The following CSMD3 variants were observed in gnomAD, a reference collection of about 807,000 sequenced individuals.
The protein encoded by CSMD3 is CUB and sushi domain-containing protein 3.
CSMD3 carries 177 observed loss-of-function variants against 435.2 expected under a neutral mutation model. That is an observed-to-expected ratio of 0.41 (90% CI 0.36 to 0.46). The LOEUF is 0.46. CSMD3 is among the 20% of genes least tolerant of loss of function. The pLI is 0.34. For synonymous variants in CSMD3, 1,656 were observed against 1,520.5 expected (o/e 1.09, Z -2.07); for missense variants, 4,265 against 4,504.6 (o/e 0.95, Z 1.52).
chr8:113,157,300 TCA>T (rs1466945302), intron 4 of CSMD3, among the ~76,000 whole-genome samples: 1 of 152,118 alleles, frequency 6.6e-6, no homozygotes, highest in Non-Finnish European at 1.5e-5. Context: ...ACTATAAAGC[TCA>T]TGCTGTTTGC....
intron 67 of CSMD3, among the ~76,000 whole-genome samples, 174 bp from the exon 68 acceptor site, chr8:112,234,651 T>C (rs750980995): frequency 2.0e-5 from 3 of 152,218 alleles, no homozygotes; most frequent in Admixed American, 6.5e-5. Context: ...TCCTGTAATA[T>C]ACATTGATTT....
At chr8:112,805,185 A>C (rs909561629) in intron 12 of CSMD3, among the ~76,000 whole-genome samples, 5 of 152,106 alleles carry the variant, frequency 3.3e-5, no homozygotes, top group African/African-American at 9.7e-5. Flanking sequence ...AAAGACTACC[A>C]TATTCTATAT....
chr8:113,336,650 T>C (rs750127201), intron 1 of CSMD3, among the ~76,000 whole-genome samples: 60 of 152,112 alleles, frequency 3.9e-4, no homozygotes, highest in Non-Finnish European at 4.6e-4. Flanking sequence ...TGTTTCCTAA[T>C]TGGCCTCCAT....
intron 70 of CSMD3, among the ~76,000 whole-genome samples, chr8:112,228,002 A>G (rs1344793910): frequency 4.6e-5 from 7 of 152,120 alleles, no homozygotes; most frequent in Non-Finnish European, 8.8e-5. Flanking sequence ...AGATTGTGCC[A>G]CTGCACTCCA....
At chr8:112,263,138 A>C (rs1375568374) in intron 61 of CSMD3, among the ~76,000 whole-genome samples, 1 of 23,024 alleles carries the variant, frequency 4.3e-5, no homozygotes, top group African/African-American at 5.9e-4. Context: ...CAACCTCTGT[A>C]AAAAAAAAAA....
chr8:113,342,419 C>T (rs1392567854), intron 1 of CSMD3, among the ~76,000 whole-genome samples: 1 of 151,994 alleles, frequency 6.6e-6, no homozygotes, highest in Non-Finnish European at 1.5e-5. Context: ...GACTAATAAG[C>T]AGTTCATCAG....
intron 12 of CSMD3, among the ~76,000 whole-genome samples, chr8:112,813,683 T>G (rs2079290554): frequency 6.6e-6 from 1 of 152,124 alleles, no homozygotes; most frequent in Non-Finnish European, 1.5e-5. Context: ...TCTTCAATAG[T>G]GTTCATTCAG....
At chr8:112,686,510 G>A (rs1021254553) in intron 14 of CSMD3, among the ~76,000 whole-genome samples, 3 of 145,250 alleles carry the variant, frequency 2.1e-5, no homozygotes. Context: ...TTTCTGAGAC[G>A]GAGTCTCATT....
chr8:112,792,314 C>G (rs895630215), intron 13 of CSMD3, among the ~76,000 whole-genome samples: 1 of 152,026 alleles, frequency 6.6e-6, no homozygotes, highest in Admixed American at 6.5e-5. Flanking sequence ...ATTCCAAGAT[C>G]AGGGTGCCAG....
At chr8:113,241,175 T>A (rs1290500673) in intron 3 of CSMD3, among the ~76,000 whole-genome samples, 1 of 152,136 alleles carries the variant, frequency 6.6e-6, no homozygotes, top group African/African-American at 2.4e-5. Context: ...TGCTGGGACA[T>A]TTCTAATCTC....
chr8:113,232,832 C>G (rs1400441527), intron 3 of CSMD3, among the ~76,000 whole-genome samples: 1 of 151,740 alleles, frequency 6.6e-6, no homozygotes, highest in Non-Finnish European at 1.5e-5. Context: ...AGGAAACAGT[C>G]TGGTTAACTC....
chr8:112,764,607 A>C (rs977631271), intron 13 of CSMD3, among the ~76,000 whole-genome samples: 3 of 151,632 alleles, frequency 2.0e-5, no homozygotes, highest in Admixed American at 6.6e-5. Flanking sequence ...GTAATGGCTA[A>C]GCAGTTACAA....
At chr8:112,778,818 A>G (rs1323904807) in intron 13 of CSMD3, among the ~76,000 whole-genome samples, 3 of 151,914 alleles carry the variant, frequency 2.0e-5, no homozygotes, top group Non-Finnish European at 2.9e-5. Context: ...CAGAATTTCT[A>G]TTGCTCCACA....
chr8:112,566,555 T>C (rs1031074823), intron 24 of CSMD3, among the ~76,000 whole-genome samples: 3 of 152,130 alleles, frequency 2.0e-5, no homozygotes, highest in African/African-American at 7.2e-5. Context: ...TTTTTCCTTT[T>C]AATGAAAAGC....
At chr8:112,695,586 A>C (rs367937670) in intron 13 of CSMD3, among the ~76,000 whole-genome samples, 130 of 152,348 alleles carry the variant, frequency 8.5e-4, no homozygotes, top group African/African-American at 3.1e-3. Flanking sequence ...GTATCTAAAA[A>C]TAATAAGAGC....
chr8:112,386,777 G>C (rs990692195), intron 36 of CSMD3, among the ~76,000 whole-genome samples: 2 of 152,130 alleles, frequency 1.3e-5, no homozygotes, highest in Non-Finnish European at 2.9e-5. Flanking sequence ...GATTACAGGC[G>C]TGAGCCACCG....
intron 4 of CSMD3, among the ~76,000 whole-genome samples, chr8:113,110,573 AT>A (rs546476646): frequency 2.9e-4 from 44 of 152,094 alleles, no homozygotes; most frequent in Non-Finnish European, 1.3e-4. Context: ...ATATTTCTAC[AT>A]TTTTTTAATG....
chr8:112,617,903 C>T (rs988550567), intron 22 of CSMD3, among the ~76,000 whole-genome samples: 1 of 152,100 alleles, frequency 6.6e-6, no homozygotes, highest in Non-Finnish European at 1.5e-5. Flanking sequence ...TTAACATTTT[C>T]TTTCCTTCAA....
intron 3 of CSMD3, among the ~76,000 whole-genome samples, chr8:113,197,840 C>T (rs1368979111): frequency 6.6e-6 from 1 of 151,038 alleles, no homozygotes; most frequent in Non-Finnish European, 1.5e-5. Context: ...CTTTAATTAT[C>T]TGTTTATTAG....
Sources: gnomAD v4.1 joint callset for allele counts (sites outside exome capture counted in the v4.1 genomes callset) on GRCh38, gnomAD v4.1.1 for gene constraint, MANE v1.5 for transcripts, NCBI Gene and HGNC (gene_info 2026-07-23, HGNC 2026-07-21) for gene names.